MED13L: variants seen among roughly 807,000 people sequenced by gnomAD.
MED13L encodes the protein mediator complex subunit 13L, also known as mediator of RNA polymerase II transcription subunit 13-like.
Under a neutral mutation model 220.9 loss-of-function variants are expected in MED13L, and 7 were observed. The observed-to-expected ratio is 0.03, with a 90% CI of 0.02 to 0.06. The LOEUF (loss-of-function observed/expected upper bound fraction) is 0.06. Ranked by LOEUF, MED13L falls within the 10% of genes least tolerant of loss-of-function variation. The probability of loss-of-function intolerance (pLI) is 1.00; values close to 1 mark genes in which losing one functional copy is unlikely to be tolerated. For synonymous variants in MED13L, 1,011 were observed against 1,015.2 expected, an observed-to-expected ratio of 1.00 and a Z score of 0.08; for missense variants, 1,965 against 2,760.5, an observed-to-expected ratio of 0.71 and a Z score of 6.46.
At chr12:116,191,419 C>A (rs914660054) in intron 2 of MED13L, among the ~76,000 whole-genome samples, 4 of 152,032 alleles carry the variant, frequency 2.6e-5, no homozygotes, top group African/African-American at 9.7e-5. Context: ...CAACCTCCAC[C>A]CCCTGGGTTC....
rs149724662 is a variant in MED13L at position 116,079,213 on chromosome 12, T to TTGG, written c.479+17453_479+17455dup. Among the ~76,000 whole-genome samples the TTGG allele has an allele frequency of 2.5e-3, 374 of 151,864 alleles. 1 individual carries two copies. Among genetic ancestry groups the TTGG allele is most frequent in the African/African-American group, 7.8e-3 (324 of 41,430 alleles). On this transcript the variant is annotated intron_variant, in intron 4 of 30. Transcript: ENST00000281928. ...CAGACATAACTTTCCTCAGTTTTAT[T>TTGG]TGGTGGTGGTGGTGGTGGTGGGTTT... is the stretch of plus-strand genomic sequence containing the variant.
intron 10 of MED13L, 164 bp from the exon 11 acceptor site, chr12:116,007,800 T>C: frequency 1.5e-6 from 1 of 656,640 alleles, no homozygotes; most frequent in Non-Finnish European, 2.6e-6. Context: ...GTCAAGAATA[T>C]ATGTTTTTGT....
intron 4 of MED13L, among the ~76,000 whole-genome samples, chr12:116,031,706 AAAAG>A (rs1880783067): frequency 1.9e-5 from 1 of 52,824 alleles, no homozygotes; most frequent in Non-Finnish European, 3.6e-5. Context: ...AAAAGAAAAG[AAAAG>A]AAAAGAAAAG....
chr12:116,031,759 A>AGAAAAGAAAGAAGGAAGGAAGGAAGGAAG (rs1592967502), intron 4 of MED13L, among the ~76,000 whole-genome samples: 2 of 40,952 alleles, frequency 4.9e-5, no homozygotes, highest in Non-Finnish European at 4.5e-5. Context: ...AGAAAAGAAA[A>AGAAAAGAAAGAAGGAAGGAAGGAAGGAAG]GAAGGAAGGA....
In MED13L at chr12:116,005,792, T is replaced by C. The variant is rs1419468871; in HGVS notation, c.2469+77A>G. The C allele has an allele frequency of 3.2e-6, 5 of 1,574,602 alleles. No homozygotes were observed. The African/African-American group carries it at 6.8e-5, about 21-fold the overall frequency. ...CCCCCAAATTCAGGACACCAAACTA[T>C]AAAGAAATACTACAACACTGATATA... On this transcript the variant is annotated intron_variant, in intron 13 of 30. Coordinates refer to ENST00000281928, the MANE Select transcript of MED13L (RefSeq NM_015335.5).
At chr12:116,117,576 T>C (rs914026421) in intron 2 of MED13L, among the ~76,000 whole-genome samples, 1 of 151,950 alleles carries the variant, frequency 6.6e-6, no homozygotes, top group Non-Finnish European at 1.5e-5. Context: ...TCAAAAGGAC[T>C]CCTACTCTAA....
intron 1 of MED13L, among the ~76,000 whole-genome samples, chr12:116,247,461 C>T (rs1437642715): frequency 2.6e-5 from 4 of 152,152 alleles, no homozygotes; most frequent in Admixed American, 6.5e-5. Flanking sequence ...CCATTTTAGA[C>T]TATTAAAACC....
intron 2 of MED13L, among the ~76,000 whole-genome samples, chr12:116,203,102 C>T (rs1024537628): frequency 2.6e-5 from 4 of 152,124 alleles, no homozygotes; most frequent in South Asian, 2.1e-4. Context: ...ATTAAATCAG[C>T]GTTCTTCAAA....
chr12:116,163,362 ATTTTTT>A (rs35808540), intron 2 of MED13L, among the ~76,000 whole-genome samples: 6 of 140,322 alleles, frequency 4.3e-5, no homozygotes, highest in African/African-American at 1.6e-4. Context: ...TAGGTGAAGA[ATTTTTT>A]TTTTTTTTTT....
At chr12:116,137,303 T>C (rs1401885457) in intron 2 of MED13L, among the ~76,000 whole-genome samples, 2 of 152,178 alleles carry the variant, frequency 1.3e-5, no homozygotes, top group East Asian at 3.8e-4. Context: ...AATTACTCAG[T>C]GATAATTTGT....
At chr12:116,032,367 T>C (rs1406428876) in intron 4 of MED13L, among the ~76,000 whole-genome samples, 1 of 152,108 alleles carries the variant, frequency 6.6e-6, no homozygotes, top group African/African-American at 2.4e-5. Context: ...TAAACCATGG[T>C]AATTATAACA....
chr12:116,104,635 C>A (rs1282875794), intron 3 of MED13L, among the ~76,000 whole-genome samples: 2 of 152,166 alleles, frequency 1.3e-5, no homozygotes, highest in Non-Finnish European at 2.9e-5. Flanking sequence ...CAGATACCCA[C>A]AGATTAAAGT....
rs58217261 is a variant in MED13L, at chr12:116,054,213, AAC to A, written c.480-31614_480-31613del. 9.9e-3 allele frequency among the ~76,000 whole-genome samples: 1,300 copies of A among 130,954 alleles called. 24 individuals are homozygous for A. Among genetic ancestry groups the A allele is most frequent in the Admixed American group, 0.06 (804 of 13,436 alleles). 85.9% of individuals were successfully genotyped at this position (130,954 alleles called of 152,430 possible). A position where few individuals can be genotyped will look rare whatever the true frequency, so the allele number is the denominator to read the frequency against. The stretch of plus-strand genomic sequence containing the variant: ...ACTATTACACACACACACACACACA[AAC>A]ACACACACACACACACACGTACGTC... On this transcript the variant is annotated intron_variant, in intron 4 of 30. Coordinates refer to ENST00000281928, the MANE Select transcript of MED13L (RefSeq NM_015335.5).
At chr12:116,104,145 G>A (rs112099545) in intron 3 of MED13L, among the ~76,000 whole-genome samples, 4 of 151,352 alleles carry the variant, frequency 2.6e-5, no homozygotes, top group Non-Finnish European at 4.4e-5. Context: ...CAAGTAGCTG[G>A]GATTACAGGC....
intron 4 of MED13L, among the ~76,000 whole-genome samples, chr12:116,054,829 CTG>C (rs1393613862): frequency 3.3e-5 from 5 of 152,136 alleles, no homozygotes; most frequent in African/African-American, 4.8e-5. Flanking sequence ...GCCTGCTACT[CTG>C]TGTTTCAATA....
At chr12:115,981,299 T>C (rs1877313222) in intron 22 of MED13L, among the ~76,000 whole-genome samples, 1 of 152,226 alleles carries the variant, frequency 6.6e-6, no homozygotes, top group South Asian at 2.1e-4. Context: ...ACAGTGTGTA[T>C]GGCATTTTTT....
intron 4 of MED13L, among the ~76,000 whole-genome samples, chr12:116,031,715 GAAAAGAAAA>G (rs1430213123): frequency 2.2e-5 from 1 of 46,370 alleles, no homozygotes; most frequent in Non-Finnish European, 4.0e-5. Context: ...GAAAAGAAAA[GAAAAGAAAA>G]GAAAAGAAAA....
In MED13L at chr12:115,971,054, C is replaced by T. The variant is rs531165588; in HGVS notation, c.5891-284G>A. On this transcript the variant is annotated intron_variant, in intron 26 of 30. Coordinates refer to ENST00000281928, the MANE Select transcript of MED13L (RefSeq NM_015335.5). ...CGTAAGAAGTATTTCTAAAAATAAA[C>T]ACCCTACTTTCTTTCCTCCTCTGGT... 2.6e-3 allele frequency among the ~76,000 whole-genome samples: 398 copies of T among 152,272 alleles called. No individual in the cohort carries two copies. Among genetic ancestry groups the T allele is most frequent in the African/African-American group, 9.3e-3 (386 of 41,556 alleles).
chr12:116,065,053 T>A (rs1386063224), intron 4 of MED13L, among the ~76,000 whole-genome samples: 3 of 152,184 alleles, frequency 2.0e-5, no homozygotes, highest in African/African-American at 4.8e-5. Context: ...CAAACCTAAA[T>A]GGTATATATT....
Sources: gnomAD v4.1 joint callset for allele counts (sites outside exome capture counted in the v4.1 genomes callset) on GRCh38, gnomAD v4.1.1 for gene constraint, MANE v1.5 for transcripts, NCBI Gene and HGNC (gene_info 2026-07-23, HGNC 2026-07-21) for gene names.